FGD4: variants seen among roughly 807,000 people sequenced by gnomAD.
FGD4 encodes the protein FYVE, RhoGEF and PH domain-containing protein 4.
In FGD4, 42 loss-of-function variants were observed where a neutral mutation model predicts 102.0. The observed-to-expected ratio is 0.41, with a 90% CI of 0.32 to 0.53. FGD4 has a LOEUF of 0.53. Ranked by LOEUF, FGD4 falls within the 20% of genes least tolerant of loss-of-function variation. FGD4 has a pLI of 0.21. For missense variants in FGD4, 902 were observed against 1,078.2 expected (o/e 0.84, Z 2.29); for synonymous variants, 380 against 375.7 (o/e 1.01, Z -0.13).
intron 1 of FGD4, among the ~76,000 whole-genome samples, chr12:32,535,657 T>C (rs1942186048): frequency 6.6e-6 from 1 of 151,250 alleles, no homozygotes. Context: ...AAAAAAGAAA[T>C]GCAGCAAAAG....
intron 1 of FGD4, among the ~76,000 whole-genome samples, chr12:32,462,115 A>G (rs759894530): frequency 7.9e-5 from 12 of 152,180 alleles, no homozygotes; most frequent in South Asian, 2.1e-4. Flanking sequence ...TAAACACTGT[A>G]TATCTGTAAT....
At chr12:32,533,508 C>G (rs1941984872) in intron 1 of FGD4, among the ~76,000 whole-genome samples, 1 of 152,216 alleles carries the variant, frequency 6.6e-6, no homozygotes, top group Non-Finnish European at 1.5e-5. Context: ...TCACTGCAAC[C>G]TCTGCCTCCT....
At chr12:32,568,105 T>A in intron 2 of FGD4, among the ~76,000 whole-genome samples, 1 of 152,246 alleles carries the variant, frequency 6.6e-6, no homozygotes, top group East Asian at 1.9e-4. Flanking sequence ...TACCAGTAAG[T>A]AAATATTTTT....
chr12:32,638,904 TTTCATTAAAATTGAAAA>T, intron 16 of FGD4, 109 bp downstream of exon 16: 1 of 1,559,246 alleles, frequency 6.4e-7, no homozygotes, highest in Non-Finnish European at 8.6e-7. Context: ...AGTTTCACTG[TTTCATTAAAATTGAAAA>T]ATAATGAGTA....
At chr12:32,628,569 C>A (rs1437884104) in intron 14 of FGD4, among the ~76,000 whole-genome samples, 1 of 152,052 alleles carries the variant, frequency 6.6e-6, no homozygotes, top group African/African-American at 2.4e-5. Context: ...GAGGCTGAGA[C>A]GGGTCGATCT....
chr12:32,597,020 A>G (rs1947958268), intron 4 of FGD4, among the ~76,000 whole-genome samples: 4 of 152,226 alleles, frequency 2.6e-5, no homozygotes, highest in Admixed American at 2.6e-4. Flanking sequence ...CTTCGCATAT[A>G]CATTAGAAAG....
chr12:32,626,811 A>C (rs1190960663), intron 14 of FGD4, among the ~76,000 whole-genome samples: 1 of 151,766 alleles, frequency 6.6e-6, no homozygotes, highest in African/African-American at 2.4e-5. Context: ...GAAATGAGGG[A>C]GTTTAGGTGC....
intron 1 of FGD4, among the ~76,000 whole-genome samples, chr12:32,524,192 C>T (rs894340575): frequency 1.3e-5 from 2 of 150,758 alleles, no homozygotes; most frequent in Admixed American, 1.3e-4. Flanking sequence ...GTCAGGAGAT[C>T]GAGACCATCC....
At chr12:32,472,171 C>T (rs1943430723) in intron 1 of FGD4, among the ~76,000 whole-genome samples, 1 of 152,230 alleles carries the variant, frequency 6.6e-6, no homozygotes, top group African/African-American at 2.4e-5. Flanking sequence ...CCTCCCCTGC[C>T]TGGGCTCCCA....
chr12:32,420,756 T>C (rs1201893437), intron 1 of FGD4, among the ~76,000 whole-genome samples: 1 of 152,216 alleles, frequency 6.6e-6, no homozygotes, highest in Non-Finnish European at 1.5e-5. Flanking sequence ...GTCTGCCCTA[T>C]AGCCCCTAAT....
At chr12:32,431,387 A>G (rs1942038394) in intron 1 of FGD4, among the ~76,000 whole-genome samples, 1 of 152,156 alleles carries the variant, frequency 6.6e-6, no homozygotes, top group Admixed American at 6.6e-5. Context: ...ATAGGTCCTG[A>G]GTCCCAGTGT....
At chr12:32,467,614 G>A (rs1213098515) in intron 1 of FGD4, among the ~76,000 whole-genome samples, 2 of 152,224 alleles carry the variant, frequency 1.3e-5, no homozygotes, top group Non-Finnish European at 2.9e-5. Flanking sequence ...CTTCTAGTCA[G>A]TGTAGGACAG....
intron 1 of FGD4, among the ~76,000 whole-genome samples, chr12:32,420,027 T>C (rs1941571264): frequency 6.6e-6 from 1 of 152,246 alleles, no homozygotes; most frequent in South Asian, 2.1e-4. Context: ...AACCAGCTAC[T>C]GTGAATGCTC....
At chr12:32,401,769 C>T (rs1265945996) in intron 1 of FGD4, among the ~76,000 whole-genome samples, 1 of 145,226 alleles carries the variant, frequency 6.9e-6, no homozygotes, top group East Asian at 2.0e-4. Flanking sequence ...GCGCTTGTCC[C>T]GCAGGCTGGA....
rs1300459111 is a variant in FGD4, at chr12:32,415,419, T to C, written c.166+15460T>C. On this transcript the variant is annotated intron_variant, in intron 1 of 16. Transcript: ENST00000534526. ...CTGTATTGGGATCTGTCTCTCTTTT[T>C]TTTTTTTTTTTTTTTTTTTTTGAGA... 8.3e-5 allele frequency among the ~76,000 whole-genome samples: 11 copies of C among 131,910 alleles called. No individual in the cohort carries two copies. In the East Asian group the frequency reaches 1.3e-3, roughly 15 times the overall value. The allele number at this position is 131,910 out of a possible 152,430, so 86.5% of individuals were successfully genotyped here.
At chr12:32,419,902 A>C (rs1343128442) in intron 1 of FGD4, among the ~76,000 whole-genome samples, 2 of 152,056 alleles carry the variant, frequency 1.3e-5, no homozygotes, top group Non-Finnish European at 2.9e-5. Context: ...CATCTCCCAA[A>C]AGCACAAAAT....
At chr12:32,632,705 A>ATTTTTTTTTTT (rs1275380016) in intron 14 of FGD4, among the ~76,000 whole-genome samples, 2 of 124,880 alleles carry the variant, frequency 1.6e-5, no homozygotes, top group African/African-American at 6.4e-5. Flanking sequence ...TTATTTATTT[A>ATTTTTTTTTTT]TTTATTTATT....
At chr12:32,502,754 T>C (rs1327234640) in intron 1 of FGD4, among the ~76,000 whole-genome samples, 1 of 152,230 alleles carries the variant, frequency 6.6e-6, no homozygotes, top group Non-Finnish European at 1.5e-5. Flanking sequence ...ATGATTATTC[T>C]GGCCCACATG....
chr12:32,625,477 C>G (rs932797348), intron 13 of FGD4, among the ~76,000 whole-genome samples, 177 bp from the exon 14 acceptor site: 1 of 151,864 alleles, frequency 6.6e-6, no homozygotes, highest in African/African-American at 2.4e-5. Context: ...ACCATGTTGG[C>G]CAGACTGGTC....
Sources: allele counts gnomAD v4.1 joint callset (sites outside exome capture counted in the v4.1 genomes callset), GRCh38; gene constraint gnomAD v4.1.1; transcripts MANE v1.5; gene names NCBI Gene and HGNC (gene_info 2026-07-23, HGNC 2026-07-21).